Variants in MIER1 observed in about 807,000 individuals in gnomAD.
MIER1 encodes the protein MIER1 transcriptional regulator, also known as mesoderm induction early response protein 1.
Under a neutral mutation model 75.7 loss-of-function variants are expected in MIER1, and 40 were observed. That is an observed-to-expected ratio of 0.53 (90% CI 0.41 to 0.69). The LOEUF (loss-of-function observed/expected upper bound fraction) is 0.69, where lower values mean the gene tolerates loss of function less well. MIER1 is among the 30% of genes least tolerant of loss of function. The pLI is 0.00. For synonymous variants in MIER1, 213 were observed against 223.4 expected (o/e 0.95, Z 0.42); for missense variants, 574 against 680.2 (o/e 0.84, Z 1.74).
intron 3 of MIER1, among the ~76,000 whole-genome samples, chr1:66,945,309 A>G (rs1657324488): frequency 1.3e-5 from 1 of 79,314 alleles, no homozygotes; most frequent in Admixed American, 1.4e-4. Flanking sequence ...ATATATATAT[A>G]TATATATAAA....
intron 4 of MIER1, chr1:66,947,088 G>C: frequency 2.4e-6 from 2 of 830,464 alleles, no homozygotes; most frequent in Non-Finnish European, 2.9e-6. Flanking sequence ...TTAAAAAGCA[G>C]ATTTTTTGGA....
intron 11 of MIER1, among the ~76,000 whole-genome samples, chr1:66,974,864 T>C (rs1664386048): frequency 6.6e-6 from 1 of 152,212 alleles, no homozygotes; most frequent in Non-Finnish European, 1.5e-5. Context: ...TTTGAGGGCT[T>C]TTGTTGAAGA....
At chr1:66,932,381 T>A (rs1178354746) in intron 2 of MIER1, among the ~76,000 whole-genome samples, 1 of 152,216 alleles carries the variant, frequency 6.6e-6, no homozygotes, top group Non-Finnish European at 1.5e-5. Context: ...TTATCTTCTA[T>A]ATTCTTCAGT....
intron 2 of MIER1, among the ~76,000 whole-genome samples, chr1:66,927,721 T>C (rs1033355971): frequency 6.6e-6 from 1 of 152,118 alleles, no homozygotes; most frequent in African/African-American, 2.4e-5. Flanking sequence ...TGAACTTTTT[T>C]TGAAAAGAGC....
At chr1:66,966,375 T>C (rs1558086752) in intron 8 of MIER1, among the ~76,000 whole-genome samples, 1 of 152,212 alleles carries the variant, frequency 6.6e-6, no homozygotes, top group Non-Finnish European at 1.5e-5. Flanking sequence ...TCCTCCTTTT[T>C]GATGGCTGCA....
At chr1:66,966,451 T>C (rs1042405674) in intron 8 of MIER1, among the ~76,000 whole-genome samples, 8 of 152,186 alleles carry the variant, frequency 5.3e-5, no homozygotes, top group Non-Finnish European at 1.5e-5. Flanking sequence ...GACATTTGGG[T>C]TGGTTCCAAG....
At chr1:66,925,219 A>G in intron 1 of MIER1, 124 bp downstream of exon 1, 1 of 1,370,640 alleles carries the variant, frequency 7.3e-7, no homozygotes, top group Non-Finnish European at 9.4e-7. Context: ...CGCCCGGAAG[A>G]CCCTTAACTT....
intron 2 of MIER1, among the ~76,000 whole-genome samples, chr1:66,927,097 G>GGTTTGT (rs1327762375): frequency 6.6e-6 from 1 of 152,014 alleles, no homozygotes; most frequent in Non-Finnish European, 1.5e-5. Context: ...ATAACTGAGG[G>GGTTTGT]GTTTGTGTGT....
intron 2 of MIER1, chr1:66,929,203 G>T (rs1652515939): frequency 2.0e-6 from 1 of 499,044 alleles, no homozygotes; most frequent in African/African-American, 1.9e-5. Context: ...ATGCAATGTA[G>T]TATTGGTTCA....
Position 66,930,544 on chromosome 1 carries a change from G to A in MIER1, c.168+4302G>A, listed in dbSNP as rs1230487157. 2.1e-4 allele frequency: 171 copies of A among 810,674 alleles called. 2 individuals carry two copies. The East Asian group carries it at 3.5e-3, about 17-fold the overall frequency. The allele number at this position is 810,674 out of a possible 1,614,324, so 50.2% of individuals were successfully genotyped here. On this transcript the variant is annotated intron_variant, in intron 2 of 13. Transcript: ENST00000401041. ...TGTTGTCCGGAACAGGCCATTCTCTGGGCGGGAGCTTCGCCTGGAACTTAG... is the reference window on the plus strand; with the variant it reads ...TGTTGTCCGGAACAGGCCATTCTCTAGGCGGGAGCTTCGCCTGGAACTTAG...
At chr1:66,937,523 T>C (rs1302963559) in intron 2 of MIER1, among the ~76,000 whole-genome samples, 1 of 152,086 alleles carries the variant, frequency 6.6e-6, no homozygotes, top group Non-Finnish European at 1.5e-5. Context: ...AGATGGAGGC[T>C]GCAGTGAGCC....
intron 7 of MIER1, among the ~76,000 whole-genome samples, chr1:66,961,007 T>A (rs937635430): frequency 2.0e-5 from 3 of 152,108 alleles, no homozygotes; most frequent in Admixed American, 6.5e-5. Context: ...GTTTTTTTTT[T>A]AAATGAAAGA....
At chr1:66,970,642 A>C (rs887381958) in intron 8 of MIER1, among the ~76,000 whole-genome samples, 166 bp from the exon 9 acceptor site, 1 of 152,180 alleles carries the variant, frequency 6.6e-6, no homozygotes, top group Non-Finnish European at 1.5e-5. Flanking sequence ...TGTTTAATTT[A>C]CTTAAACTAT....
intron 8 of MIER1, among the ~76,000 whole-genome samples, chr1:66,967,575 T>G (rs1204408558): frequency 6.6e-6 from 1 of 152,228 alleles, no homozygotes; most frequent in African/African-American, 2.4e-5. Flanking sequence ...AATCTGTAGA[T>G]TGCTTTTGGT....
At chr1:66,976,832 T>A in intron 12 of MIER1, 110 bp downstream of exon 12, 1 of 915,296 alleles carries the variant, frequency 1.1e-6, no homozygotes, top group African/African-American at 1.7e-5. Flanking sequence ...TACTTGATCT[T>A]AACCAGAAGG....
At chr1:66,949,546 C>A (rs533459273) in intron 4 of MIER1, among the ~76,000 whole-genome samples, 1 of 152,298 alleles carries the variant, frequency 6.6e-6, no homozygotes, top group African/African-American at 2.4e-5. Flanking sequence ...TTCTCAGATT[C>A]TTCTCTGACT....
At chr1:66,938,972 ATT>A (rs1232152833) in intron 2 of MIER1, among the ~76,000 whole-genome samples, 2 of 152,140 alleles carry the variant, frequency 1.3e-5, no homozygotes, top group Non-Finnish European at 2.9e-5. Context: ...TCTTAGACAC[ATT>A]GTTTTTGAAA....
chr1:66,930,249 C>T (rs1652800119), intron 2 of MIER1: 3 of 1,493,938 alleles, frequency 2.0e-6, no homozygotes, highest in Non-Finnish European at 2.7e-6. Context: ...TCGGGCGGCT[C>T]CTGCGCGTTC....
At chr1:66,949,715 GA>G (rs968576789) in intron 4 of MIER1, among the ~76,000 whole-genome samples, 2 of 152,216 alleles carry the variant, frequency 1.3e-5, no homozygotes, top group Non-Finnish European at 2.9e-5. Context: ...TTGAAAAAGT[GA>G]ATAAGATTTT....
Sources: gnomAD v4.1 joint callset for allele counts (sites outside exome capture counted in the v4.1 genomes callset) on GRCh38, gnomAD v4.1.1 for gene constraint, MANE v1.5 for transcripts, NCBI Gene and HGNC (gene_info 2026-07-23, HGNC 2026-07-21) for gene names.